Variants in RELL2 observed in about 807,000 individuals in gnomAD.
RELL2 encodes the protein RELT like 2, also known as RELT-like protein 2.
Under a neutral mutation model 27.5 loss-of-function variants are expected in RELL2, and 18 were observed. The ratio of observed to expected loss-of-function variants is 0.65; its 90% CI spans 0.45 to 0.97. RELL2 has a LOEUF of 0.97. Among genes scored for constraint, RELL2 ranks in the 50% least tolerant of loss-of-function variants. The pLI, the probability that RELL2 is intolerant of heterozygous loss-of-function variation, is 0.00. For missense variants in RELL2, 370 were observed against 397.5 expected, an observed-to-expected ratio of 0.93 and a Z score of 0.59; for synonymous variants, 156 against 147.5, an observed-to-expected ratio of 1.06 and a Z score of -0.42.
rs372282382 is a variant in RELL2, at chr5:141,638,872, A to G, written c.250+12A>G. On this transcript the variant is annotated intron_variant, in intron 2 of 6. Transcript: ENST00000297164. ...CATCCAGAATGAAGGTGGGTCTAGC[A>G]TAGCCCCTTGCTCCCTCTTCTCCAA... 707 of 1,612,940 alleles carry G rather than the reference A, an allele frequency of 4.4e-4. 11 individuals are homozygous for G. The South Asian group carries it at 6.8e-3, about 15-fold the overall frequency.
In RELL2 at chr5:141,639,446, C is replaced by T; in HGVS notation, c.318-18C>T. ...AAATGGAAATGTTACCCTCACTCCC[C>T]TCCTCCCTGCTGTCCAGTGTGGATG... On this transcript the variant is annotated intron_variant, in intron 3 of 6. Transcript: ENST00000297164. This position sits in a 1 kb window ranked among gnomAD's most constrained non-coding sequence, Gnocchi z 4.4. 1 of 1,582,714 alleles carries T rather than the reference C, an allele frequency of 6.3e-7. No individual in the cohort carries two copies. The highest frequency in any genetic ancestry group is 8.6e-7 in the Non-Finnish European group (1 of 1,160,862).
At chr5:141,640,644 A>G in intron 6 of RELL2, 27 bp from the exon 7 acceptor site, 1 of 1,537,804 alleles carries the variant, frequency 6.5e-7, no homozygotes, top group Non-Finnish European at 8.7e-7. Context: ...ACAGGAAGCA[A>G]CAGTGTTATT....
chr5:141,640,993 C>T lies in RELL2; in HGVS notation c.*324C>T. On this transcript the variant is annotated 3_prime_UTR_variant, in exon 7 of 7. Transcript: ENST00000297164. ...CACCGTAGGCCCCCTGCCCTCTTAG[C>T]ACAAGAGGCCCAGGCCCTGGCCTGG... 2.3e-6 allele frequency: 1 copy of T among 432,590 alleles called. No homozygotes were observed. Among genetic ancestry groups the T allele is most frequent in the Non-Finnish European group, 4.1e-6 (1 of 244,746 alleles). 26.8% of individuals were successfully genotyped at this position (432,590 alleles called of 1,614,324 possible). A position where few individuals can be genotyped will look rare whatever the true frequency, so the allele number is the denominator to read the frequency against.
Position 141,639,769 on chromosome 5 carries a change from G to A in RELL2, c.503+120G>A, listed in dbSNP as rs1328426636. On this transcript the variant is annotated intron_variant, in intron 4 of 6. Coordinates refer to ENST00000297164, the MANE Select transcript of RELL2 (RefSeq NM_173828.5). This position sits in a 1 kb window ranked among gnomAD's most constrained non-coding sequence, Gnocchi z 4.4. ...GACTGGGAGCTCCGGCAGAAGTCAG[G>A]CTACACAATGTGCCCCACAATCTGA... is the stretch of plus-strand genomic sequence containing the variant. 12 of 1,289,970 alleles carry A rather than the reference G, an allele frequency of 9.3e-6. No individual in the cohort carries two copies. Among genetic ancestry groups the A allele is most frequent in the South Asian group, 2.7e-5 (2 of 74,012 alleles). The allele number at this position is 1,289,970 out of a possible 1,614,324, so 79.9% of individuals were successfully genotyped here. A position where few individuals can be genotyped will look rare whatever the true frequency, so the allele number is the denominator to read the frequency against.
Position 141,640,799 on chromosome 5 carries a change from C to A in RELL2, c.*130C>A. 2.2e-6 allele frequency: 2 copies of A among 894,102 alleles called. No individual in the cohort carries two copies. The highest frequency in any genetic ancestry group is 3.3e-6 in the Non-Finnish European group (2 of 597,830). 55.4% of individuals were successfully genotyped at this position (894,102 alleles called of 1,614,324 possible). A position where few individuals can be genotyped will look rare whatever the true frequency, so the allele number is the denominator to read the frequency against. On this transcript the variant is annotated 3_prime_UTR_variant, in exon 7 of 7. Transcript: ENST00000297164. Reference sequence around the variant, plus strand: ...CCAGCTCTACTTCCACCTGGAGTTGCACAGTCTCAGGCTGGGGGCCTCAGG... The same window carrying A: ...CCAGCTCTACTTCCACCTGGAGTTGAACAGTCTCAGGCTGGGGGCCTCAGG...
At position 141,637,153 on chromosome 5, in the gene RELL2, TC is replaced by T; in HGVS notation, c.-1071del. 1 of 223,220 alleles carries T rather than the reference TC, an allele frequency of 4.5e-6. No individual in the cohort carries two copies. The highest frequency in any genetic ancestry group is 8.7e-6 in the Non-Finnish European group (1 of 114,342). 13.8% of individuals were successfully genotyped at this position (223,220 alleles called of 1,614,324 possible). A position where few individuals can be genotyped will look rare whatever the true frequency, so the allele number is the denominator to read the frequency against. On this transcript the variant is annotated 5_prime_UTR_variant, in exon 1 of 7. The change creates a premature stop within an existing upstream ORF in the 5' untranslated region. Coordinates refer to ENST00000297164, the MANE Select transcript of RELL2 (RefSeq NM_173828.5). ...GGCCGTGGTCACTTCTCTAGGAAGCTCCGAAGATCCCGCCACTCCGTCCCTC... is the reference window on the plus strand; with the variant it reads ...GGCCGTGGTCACTTCTCTAGGAAGCTCGAAGATCCCGCCACTCCGTCCCTC...
Position 141,637,978 on chromosome 5 carries a change from C to T in RELL2, c.-248C>T, listed in dbSNP as rs1332165142. The T allele has an allele frequency of 2.3e-6, 1 of 443,628 alleles. No homozygotes were observed. The highest frequency in any genetic ancestry group is 4.0e-5 in the Admixed American group (1 of 25,192). 27.5% of individuals were successfully genotyped at this position (443,628 alleles called of 1,614,324 possible). On this transcript the variant is annotated 5_prime_UTR_variant, in exon 1 of 7. Transcript: ENST00000297164. ...CTGGAAAGGGGAACGCTCGGGGCGT[C>T]GGGGAAGCGGGACCAGGGTCGTGGT...
rs199871078 is a variant in RELL2 at position 141,638,386 on chromosome 5, C to G, written c.161C>G (p.Pro54Arg). The G allele has an allele frequency of 6.2e-7, 1 of 1,611,982 alleles. No individual in the cohort carries two copies. The highest frequency in any genetic ancestry group is 8.5e-7 in the Non-Finnish European group (1 of 1,179,614). ...YRCRTSRGSE[P>R]DDAQLQPPED... ...TGCCGCACGTCGAGGGGCTCTGAGC[C>G]TGACGATGCCCAGCTTCAGCCCCGT... The change falls in exon 1 of 7, where the codon CCT becomes CGT. Residue 54 changes from proline (P) to arginine (R), a missense_variant. Transcript: ENST00000297164.
In RELL2 at chr5:141,640,405, C is replaced by T. The variant is rs1279388418; in HGVS notation, c.880-7C>T. 1.2e-6 allele frequency: 2 copies of T among 1,614,050 alleles called. No individual in the cohort carries two copies. The highest frequency in any genetic ancestry group is 2.7e-5 in the African/African-American group (2 of 74,928). Reference sequence around the variant, plus strand: ...CTCTCATTGTTGACCCCTCCCCTTTCTCTCAGGTGTCTCTACCACAGGGAG... The same window carrying T: ...CTCTCATTGTTGACCCCTCCCCTTTTTCTCAGGTGTCTCTACCACAGGGAG... On this transcript the variant is annotated splice_region_variant and splice_polypyrimidine_tract_variant and intron_variant, in intron 5 of 6. Coordinates refer to ENST00000297164, the MANE Select transcript of RELL2 (RefSeq NM_173828.5).
In RELL2 at chr5:141,637,901, C is replaced by T; in HGVS notation, c.-325C>T. ...TTTCTGCTCCCGCCGCCTAAGAATG[C>T]CGTCCCATCTCGTGCTGCAGTGTCC... is the stretch of plus-strand genomic sequence containing the variant. On this transcript the variant is annotated 5_prime_UTR_variant, in exon 1 of 7. Coordinates refer to ENST00000297164, the MANE Select transcript of RELL2 (RefSeq NM_173828.5). 1 of 242,998 alleles carries T rather than the reference C, an allele frequency of 4.1e-6. No individual in the cohort carries two copies. Among genetic ancestry groups the T allele is most frequent in the South Asian group, 8.4e-5 (1 of 11,948 alleles). The allele number at this position is 242,998 out of a possible 1,614,324, so 15.1% of individuals were successfully genotyped here. A position where few individuals can be genotyped will look rare whatever the true frequency, so the allele number is the denominator to read the frequency against.
At position 141,639,379 on chromosome 5, in the gene RELL2, A is replaced by G; in HGVS notation, c.318-85A>G. ...GGGAAATTGGGGCTTCTGGGGTTTT[A>G]AGGAGCATGCTGAAAGAACGTAAGA... On this transcript the variant is annotated intron_variant, in intron 3 of 6. Transcript: ENST00000297164. The surrounding 1 kb of genome is among the most constrained non-coding windows in gnomAD (Gnocchi z 4.4). 1 of 1,170,182 alleles carries G rather than the reference A, an allele frequency of 8.5e-7. No homozygotes were observed. The allele number at this position is 1,170,182 out of a possible 1,614,324, so 72.5% of individuals were successfully genotyped here.
intron 6 of RELL2, 23 bp from the exon 7 acceptor site, chr5:141,640,648 T>C: frequency 6.5e-7 from 1 of 1,537,364 alleles, no homozygotes; most frequent in Non-Finnish European, 8.7e-7. Context: ...GAAGCAACAG[T>C]GTTATTCTTC....
Position 141,638,805 on chromosome 5 carries a change from T to C in RELL2, c.195T>C (p.Asp65=), listed in dbSNP as rs2099906492. 6.2e-7 allele frequency: 1 copy of C among 1,613,984 alleles called. No individual in the cohort carries two copies. The highest frequency in any genetic ancestry group is 1.7e-5 in the Admixed American group (1 of 60,004). Residue 65 remains aspartate, a synonymous_variant, in exon 2 of 7, where the codon GAT becomes GAC. Transcript: ENST00000297164. ...TCTTTCATCCTTCAGCTGAGGACGATGACATGAATGAGGACACAGTAGAGA... is the reference window on the plus strand; with the variant it reads ...TCTTTCATCCTTCAGCTGAGGACGACGACATGAATGAGGACACAGTAGAGA... ...DDAQLQPPED[D]DMNEDTVERI... is the part of the protein sequence containing the mutation.
In RELL2 at chr5:141,637,256, C is replaced by T. The variant is rs1054071786; in HGVS notation, c.-970C>T. 3.8e-5 allele frequency: 6 copies of T among 158,124 alleles called. No homozygotes were observed. The Admixed American group carries it at 3.9e-4, about 10-fold the overall frequency. 9.8% of individuals were successfully genotyped at this position (158,124 alleles called of 1,614,324 possible). A position where few individuals can be genotyped will look rare whatever the true frequency, so the allele number is the denominator to read the frequency against. On this transcript the variant is annotated 5_prime_UTR_variant, in exon 1 of 7. Coordinates refer to ENST00000297164, the MANE Select transcript of RELL2 (RefSeq NM_173828.5). ...TCCGCTCGGTCGGGGCATCTGAGGG[C>T]AGGAGCTGCGCCAGGCGTACCGGAT...
At chr5:141,638,901 T>C (rs1250866582) in intron 2 of RELL2, 41 bp downstream of exon 2, 1 of 1,612,868 alleles carries the variant, frequency 6.2e-7, no homozygotes, top group Admixed American at 1.7e-5. Context: ...TCTCCAACCT[T>C]CTCTTGCCCT....
In RELL2 at chr5:141,638,942, C is replaced by T. The variant is rs750077240; in HGVS notation, c.251-13C>T. On this transcript the variant is annotated splice_polypyrimidine_tract_variant and intron_variant, in intron 2 of 6. Transcript: ENST00000297164. ...CCACCTCCACTGACTCCCTCTTTTC[C>T]TTCTTCCCTCAGCCAATGCTGAGGC... is the stretch of plus-strand genomic sequence containing the variant. The T allele has an allele frequency of 1.2e-6, 2 of 1,614,028 alleles. No individual in the cohort carries two copies. Among genetic ancestry groups the T allele is most frequent in the South Asian group, 2.2e-5 (2 of 91,078 alleles).
chr5:141,639,740 C>G lies in RELL2; in HGVS notation c.503+91C>G. On this transcript the variant is annotated intron_variant, in intron 4 of 6. Coordinates refer to ENST00000297164, the MANE Select transcript of RELL2 (RefSeq NM_173828.5). This position sits in a 1 kb window ranked among gnomAD's most constrained non-coding sequence, Gnocchi z 4.4. ...CAAAAGTGGGCCTTGGCTCTTTCCT[C>G]CTGGACTGGGAGCTCCGGCAGAAGT... 1 of 1,383,284 alleles carries G rather than the reference C, an allele frequency of 7.2e-7. No individual in the cohort carries two copies. The allele number at this position is 1,383,284 out of a possible 1,614,324, so 85.7% of individuals were successfully genotyped here.
rs2099906724 is a variant in RELL2, at chr5:141,640,464, TAA to T, written c.*1+21_*1+22del. ...ATGTGAGGTGAGTCTGCCTGAGCCC[TAA>T]ATGAGGTAATCTCATCTTCCCATCA... On this transcript the variant is annotated intron_variant, in intron 6 of 6. Coordinates refer to ENST00000297164, the MANE Select transcript of RELL2 (RefSeq NM_173828.5). 1 of 1,613,978 alleles carries T rather than the reference TAA, an allele frequency of 6.2e-7. No homozygotes were observed. Among genetic ancestry groups the T allele is most frequent in the African/African-American group, 1.3e-5 (1 of 74,896 alleles).
Position 141,639,118 on chromosome 5 carries a change from T to C in RELL2, c.317+97T>C. 1 of 1,092,508 alleles carries C rather than the reference T, an allele frequency of 9.2e-7. No homozygotes were observed. The highest frequency in any genetic ancestry group is 1.3e-6 in the Non-Finnish European group (1 of 756,076). The allele number at this position is 1,092,508 out of a possible 1,614,324, so 67.7% of individuals were successfully genotyped here. Reference sequence around the variant, plus strand: ...TCCCAGCCTCCTTGCATGTATGGGGTTGGGGGAAGGGCAAAGCTGGCTAAC... The same window carrying C: ...TCCCAGCCTCCTTGCATGTATGGGGCTGGGGGAAGGGCAAAGCTGGCTAAC... On this transcript the variant is annotated intron_variant, in intron 3 of 6. Coordinates refer to ENST00000297164, the MANE Select transcript of RELL2 (RefSeq NM_173828.5). The surrounding 1 kb of genome is among the most constrained non-coding windows in gnomAD (Gnocchi z 4.4).
Sources: gnomAD v4.1 joint callset for allele counts on GRCh38, gnomAD v4.1.1 for gene constraint, Gnocchi (gnomAD v3.1) non-coding constraint, MANE v1.5 for transcripts, NCBI Gene and HGNC (gene_info 2026-07-23, HGNC 2026-07-21) for gene names.